The following DNA2 variants were observed in gnomAD, a reference collection of about 807,000 sequenced individuals.
DNA2 encodes DNA replication ATP-dependent helicase/nuclease DNA2.
In DNA2, 101 loss-of-function variants were observed where a neutral mutation model predicts 119.1. That is an observed-to-expected ratio of 0.85 (90% CI 0.72 to 1.00). The LOEUF (loss-of-function observed/expected upper bound fraction) is 1.00. Ranked by LOEUF, DNA2 falls within the 50% of genes least tolerant of loss-of-function variation. DNA2 has a pLI of 0.00. For synonymous variants in DNA2, 366 were observed against 424.4 expected (o/e 0.86, Z 1.69); for missense variants, 1,121 against 1,255.5 (o/e 0.89, Z 1.62).
At chr10:68,462,327 T>C (rs2052270476) in intron 4 of DNA2, among the ~76,000 whole-genome samples, 1 of 151,954 alleles carries the variant, frequency 6.6e-6, no homozygotes, top group Non-Finnish European at 1.5e-5. Context: ...GCCGAGGTCA[T>C]GCCATTGCAA....
Position 68,446,276 on chromosome 10 carries a change from T to TA in DNA2, c.1057+19dup, listed in dbSNP as rs34922453. On this transcript the variant is annotated intron_variant, in intron 7 of 20. Coordinates refer to ENST00000358410, the MANE Select transcript of DNA2 (RefSeq NM_001080449.3). ...GGGGGGGTGGGCAAAGAAGTAAAAC[T>TA]AAAAAAAAAACGGCTCAACCTCTTT... 0.016 allele frequency: 18,447 copies of TA among 1,146,142 alleles called. No individual in the cohort carries two copies. The highest frequency in any genetic ancestry group is 0.018 in the Non-Finnish European group (15,363 of 837,076). The allele number at this position is 1,146,142 out of a possible 1,614,324, so 71.0% of individuals were successfully genotyped here. A position where few individuals can be genotyped will look rare whatever the true frequency, so the allele number is the denominator to read the frequency against.
chr10:68,420,046 A>G (rs1283589742), intron 17 of DNA2, among the ~76,000 whole-genome samples, 154 bp from the exon 18 acceptor site: 4 of 152,216 alleles, frequency 2.6e-5, no homozygotes, highest in Non-Finnish European at 4.4e-5. Context: ...ATGAATATTA[A>G]TATTAGTCAC....
intron 14 of DNA2, among the ~76,000 whole-genome samples, 189 bp from the exon 15 acceptor site, chr10:68,423,079 A>C (rs1391510461): frequency 6.6e-6 from 1 of 152,194 alleles, no homozygotes; most frequent in Non-Finnish European, 1.5e-5. Context: ...AAAATAATCA[A>C]GTAAACTTTC....
At chr10:68,432,146 G>A in intron 12 of DNA2, 60 bp downstream of exon 12, 1 of 1,262,500 alleles carries the variant, frequency 7.9e-7, no homozygotes, top group East Asian at 2.3e-5. Context: ...TTAGACTACA[G>A]TATAAATCAA....
intron 10 of DNA2, among the ~76,000 whole-genome samples, chr10:68,436,052 T>C (rs1047239745): frequency 6.6e-6 from 1 of 152,124 alleles, no homozygotes; most frequent in African/African-American, 2.4e-5. Context: ...AACATGAAAT[T>C]AGCACATGAC....
intron 4 of DNA2, among the ~76,000 whole-genome samples, chr10:68,460,988 T>C (rs879668487): frequency 9.9e-5 from 15 of 151,924 alleles, no homozygotes; most frequent in Middle Eastern, 3.2e-3. Flanking sequence ...ATTCATACCA[T>C]GGTCTAATTG....
At chr10:68,454,720 C>T (rs1459316425) in intron 5 of DNA2, among the ~76,000 whole-genome samples, 5 of 151,708 alleles carry the variant, frequency 3.3e-5, no homozygotes, top group Non-Finnish European at 5.9e-5. Context: ...GCAGAAGAAT[C>T]GCTTGAACCT....
In DNA2 at chr10:68,461,750, C is replaced by G. The variant is rs1237389105; in HGVS notation, c.588-2515G>C. On this transcript the variant is annotated intron_variant, in intron 4 of 20. Transcript: ENST00000358410. Reference sequence around the variant, plus strand: ...GGCTGAGGCAAGATAATTGCTTGAACCCGGAAGGCGGAGGTTTCGGTGAGC... The same window carrying G: ...GGCTGAGGCAAGATAATTGCTTGAAGCCGGAAGGCGGAGGTTTCGGTGAGC... Among the ~76,000 whole-genome samples, 4 of 150,738 alleles carry G rather than the reference C, an allele frequency of 2.7e-5. No homozygotes were observed. In the Admixed American group the frequency reaches 2.7e-4, roughly 10 times the overall value.
intron 9 of DNA2, among the ~76,000 whole-genome samples, chr10:68,441,585 G>A (rs903378707): frequency 3.9e-5 from 6 of 152,066 alleles, no homozygotes; most frequent in African/African-American, 1.2e-4. Context: ...AGACCAGCCT[G>A]GCCAAGATGG....
chr10:68,466,493 C>A (rs1228512931), intron 3 of DNA2, among the ~76,000 whole-genome samples: 3 of 151,704 alleles, frequency 2.0e-5, no homozygotes, highest in African/African-American at 7.3e-5. Flanking sequence ...ATTTTTTTAA[C>A]CTACAGCAGA....
chr10:68,445,100 G>T lies in DNA2; in HGVS notation c.1058-17C>A. ...TTAATAATTCTATGAAAAAAAAGGT[G>T]AATGTCTTTTTAAGAGTTAAATAAA... is the stretch of plus-strand genomic sequence containing the variant. On this transcript the variant is annotated splice_polypyrimidine_tract_variant and intron_variant, in intron 7 of 20. Coordinates refer to ENST00000358410, the MANE Select transcript of DNA2 (RefSeq NM_001080449.3). The T allele has an allele frequency of 1.3e-6, 2 of 1,576,132 alleles. No individual in the cohort carries two copies. Among genetic ancestry groups the T allele is most frequent in the Non-Finnish European group, 1.7e-6 (2 of 1,159,152 alleles).
intron 10 of DNA2, among the ~76,000 whole-genome samples, chr10:68,436,640 C>A (rs574706189): frequency 7.0e-4 from 107 of 152,280 alleles, no homozygotes; most frequent in African/African-American, 2.4e-3. Flanking sequence ...CATGTTATAA[C>A]ATGAAGATGA....
At chr10:68,471,699 C>T (rs2052383682) in intron 1 of DNA2, 92 bp downstream of exon 1, 1 of 1,423,476 alleles carries the variant, frequency 7.0e-7, no homozygotes, top group Admixed American at 3.0e-5. Context: ...GCCCCGGGCC[C>T]GGTCAGTCTG....
chr10:68,467,774 T>A (rs2052344333), intron 3 of DNA2, among the ~76,000 whole-genome samples: 1 of 152,208 alleles, frequency 6.6e-6, no homozygotes, highest in South Asian at 2.1e-4. Context: ...TTTAGTTTAG[T>A]GGGAATCACA....
intron 6 of DNA2, among the ~76,000 whole-genome samples, chr10:68,447,516 C>CA (rs1165549043): frequency 0.16 from 8,493 of 54,284 alleles, 616 homozygotes; most frequent in African/African-American, 0.18. Flanking sequence ...GACTTCACCT[C>CA]AAAAAAAAAA....
chr10:68,430,331 G>A, intron 14 of DNA2, 105 bp downstream of exon 14: 2 of 768,232 alleles, frequency 2.6e-6, no homozygotes, highest in East Asian at 2.7e-5. Context: ...AATTAATCAT[G>A]TGCAAATCCA....
intron 5 of DNA2, among the ~76,000 whole-genome samples, chr10:68,457,813 A>T (rs1003566682): frequency 1.3e-5 from 2 of 152,096 alleles, no homozygotes; most frequent in African/African-American, 4.8e-5. Context: ...AATATATAGC[A>T]CATCCATATG....
At chr10:68,424,841 C>G in intron 14 of DNA2, 2 of 839,608 alleles carry the variant, frequency 2.4e-6, no homozygotes. Context: ...ACAGCACAAC[C>G]GTCCACGTGG....
At chr10:68,425,032 A>T in intron 14 of DNA2, 1 of 422,574 alleles carries the variant, frequency 2.4e-6, no homozygotes, top group Non-Finnish European at 4.6e-6. Context: ...TTTAACTGAG[A>T]TTTTTAGGCT....
Sources: allele counts gnomAD v4.1 joint callset (sites outside exome capture counted in the v4.1 genomes callset), GRCh38; gene constraint gnomAD v4.1.1; transcripts MANE v1.5; gene names NCBI Gene and HGNC (gene_info 2026-07-23, HGNC 2026-07-21).